The following CENPP variants were observed in gnomAD, a reference collection of about 807,000 sequenced individuals.
CENPP encodes centromere protein P.
A neutral mutation model predicts 35.6 loss-of-function variants in CENPP; 24 were observed. The ratio of observed to expected loss-of-function variants is 0.67; its 90% confidence interval spans 0.49 to 0.95. The LOEUF is 0.95. CENPP is among the 40% of genes least tolerant of loss of function. The probability of loss-of-function intolerance (pLI) is 0.00; values close to 1 mark genes in which losing one functional copy is unlikely to be tolerated. For synonymous variants in CENPP, 120 were observed against 125.5 expected (o/e 0.96, Z 0.29); for missense variants, 332 against 345.3 (o/e 0.96, Z 0.31).
chr9:92,384,082 G>C (rs1842335990), intron 5 of CENPP: 1 of 152,186 alleles, frequency 6.6e-6, no homozygotes, highest in South Asian at 2.1e-4. Flanking sequence ...TGCGCTCTCA[G>C]TGAGGTTTAA....
intron 5 of CENPP, among the ~76,000 whole-genome samples, chr9:92,525,639 C>G (rs1848348690): frequency 6.6e-6 from 1 of 151,996 alleles, no homozygotes; most frequent in Non-Finnish European, 1.5e-5. Context: ...GCCTATAATC[C>G]CAGCACTTTG....
At chr9:92,345,207 C>G (rs1030045590) in intron 3 of CENPP, among the ~76,000 whole-genome samples, 1 of 151,994 alleles carries the variant, frequency 6.6e-6, no homozygotes, top group African/African-American at 2.4e-5. Context: ...GAGCCGAGAT[C>G]GCGCCACCAC....
intron 5 of CENPP, among the ~76,000 whole-genome samples, chr9:92,560,022 C>T (rs1393025443): frequency 2.0e-5 from 3 of 152,134 alleles, no homozygotes; most frequent in Admixed American, 6.5e-5. Flanking sequence ...TAACTATAGT[C>T]CCTGCTACTT....
chr9:92,590,620 C>T (rs1311386286), intron 5 of CENPP, among the ~76,000 whole-genome samples: 1 of 152,212 alleles, frequency 6.6e-6, no homozygotes, highest in Non-Finnish European at 1.5e-5. Context: ...GGGCCCTTAT[C>T]CCTGTCCAGC....
At chr9:92,327,269 A>T (rs1030160974) in intron 1 of CENPP, among the ~76,000 whole-genome samples, 2 of 152,220 alleles carry the variant, frequency 1.3e-5, no homozygotes, top group African/African-American at 4.8e-5. Context: ...CAACTGAAAA[A>T]TCATGAGATC....
intron 4 of CENPP, among the ~76,000 whole-genome samples, chr9:92,369,502 C>A (rs368027941): frequency 6.6e-6 from 1 of 152,104 alleles, no homozygotes; most frequent in Non-Finnish European, 1.5e-5. Flanking sequence ...AAAACTCACT[C>A]AAGGGCAAAT....
intron 5 of CENPP, among the ~76,000 whole-genome samples, chr9:92,577,550 A>G (rs1027257991): frequency 3.3e-5 from 5 of 152,230 alleles, no homozygotes; most frequent in African/African-American, 9.6e-5. Context: ...TTATGATTCT[A>G]TATACATGAA....
At chr9:92,560,457 T>G (rs1849822833) in intron 5 of CENPP, among the ~76,000 whole-genome samples, 1 of 152,190 alleles carries the variant, frequency 6.6e-6, no homozygotes, top group Admixed American at 6.5e-5. Context: ...AAAGTCTTAA[T>G]TAGACTAAAC....
intron 5 of CENPP, among the ~76,000 whole-genome samples, chr9:92,472,691 T>C (rs11789163): frequency 0.45 from 68,013 of 151,992 alleles, 17,482 homozygotes; most frequent in African/African-American, 0.7. Context: ...ATAAAATTGA[T>C]ACTTTCTTAA....
chr9:92,479,174 G>A (rs1419132061), intron 5 of CENPP, among the ~76,000 whole-genome samples: 3 of 152,196 alleles, frequency 2.0e-5, no homozygotes, highest in African/African-American at 7.2e-5. Flanking sequence ...GAGCAGAACA[G>A]TAGTGGTCCT....
At chr9:92,597,294 A>T (rs537698373) in intron 5 of CENPP, among the ~76,000 whole-genome samples, 1 of 152,272 alleles carries the variant, frequency 6.6e-6, no homozygotes, top group South Asian at 2.1e-4. Flanking sequence ...GGCCTGCAAG[A>T]ATGAAGGGCT....
At chr9:92,491,040 G>T (rs1001809530) in intron 5 of CENPP, among the ~76,000 whole-genome samples, 2 of 152,118 alleles carry the variant, frequency 1.3e-5, no homozygotes, top group African/African-American at 4.8e-5. Flanking sequence ...TTCAAGAGAC[G>T]TTTTAGCACC....
intron 6 of CENPP, among the ~76,000 whole-genome samples, chr9:92,612,222 A>C (rs1323754146): frequency 6.6e-6 from 1 of 152,208 alleles, no homozygotes; most frequent in Non-Finnish European, 1.5e-5. Context: ...GATTATTTCC[A>C]AAGTGGCTTG....
At chr9:92,393,342 T>A (rs1325702558) in intron 5 of CENPP, 2 of 901,948 alleles carry the variant, frequency 2.2e-6, no homozygotes, top group Non-Finnish European at 3.3e-6. Flanking sequence ...TATTACTAAT[T>A]TGAAGAGATG....
chr9:92,369,320 T>C (rs769558041), intron 4 of CENPP, among the ~76,000 whole-genome samples: 2 of 152,136 alleles, frequency 1.3e-5, no homozygotes, highest in Non-Finnish European at 2.9e-5. Context: ...GCTTGGCTTG[T>C]TTGAATAATT....
intron 5 of CENPP, among the ~76,000 whole-genome samples, chr9:92,431,988 G>A (rs149239047): frequency 6.6e-6 from 1 of 152,212 alleles, no homozygotes; most frequent in Non-Finnish European, 1.5e-5. Flanking sequence ...CAGTTTTTCA[G>A]TTGATTCTCT....
chr9:92,394,607 T>G (rs182760426), intron 5 of CENPP, among the ~76,000 whole-genome samples: 1 of 152,002 alleles, frequency 6.6e-6, no homozygotes, highest in East Asian at 1.9e-4. Context: ...TTTTTTGAAT[T>G]TTTTTTCTTT....
At chr9:92,336,758 A>G (rs1255369701) in intron 2 of CENPP, among the ~76,000 whole-genome samples, 1 of 152,222 alleles carries the variant, frequency 6.6e-6, no homozygotes, top group Non-Finnish European at 1.5e-5. Context: ...TACCTGAACA[A>G]CCACATGTAT....
At chr9:92,576,590 T>C (rs1588290214) in intron 5 of CENPP, among the ~76,000 whole-genome samples, 1 of 152,212 alleles carries the variant, frequency 6.6e-6, no homozygotes, top group Non-Finnish European at 1.5e-5. Flanking sequence ...TTATGGGATA[T>C]GTATATCTAT....
Sources: gnomAD v4.1 joint callset for allele counts (sites outside exome capture counted in the v4.1 genomes callset) on GRCh38, gnomAD v4.1.1 for gene constraint, MANE v1.5 for transcripts, NCBI Gene and HGNC (gene_info 2026-07-23, HGNC 2026-07-21) for gene names.